SLC35F4: variants seen among roughly 807,000 people sequenced by gnomAD.
SLC35F4 encodes the protein solute carrier family 35 member F4, also known as chromosome 14 open reading frame 36.
Under a neutral mutation model 44.2 loss-of-function variants are expected in SLC35F4, and 24 were observed. That is an observed-to-expected ratio of 0.54 (90% CI 0.39 to 0.76). The LOEUF is 0.76. Among genes scored for constraint, SLC35F4 ranks in the 30% least tolerant of loss-of-function variants. The pLI is 0.00. For missense variants in SLC35F4, 562 were observed against 586.1 expected, an observed-to-expected ratio of 0.96 and a Z score of 0.42; for synonymous variants, 238 against 223.6, an observed-to-expected ratio of 1.06 and a Z score of -0.57.
At chr14:57,809,699 T>C (rs1881745584) in intron 1 of SLC35F4, among the ~76,000 whole-genome samples, 1 of 152,224 alleles carries the variant, frequency 6.6e-6, no homozygotes, top group Non-Finnish European at 1.5e-5. Flanking sequence ...CATCTGTGAT[T>C]CCCTTAAAAT....
intron 1 of SLC35F4, among the ~76,000 whole-genome samples, chr14:57,715,058 G>A (rs1313893585): frequency 6.6e-6 from 1 of 152,080 alleles, no homozygotes; most frequent in Non-Finnish European, 1.5e-5. Context: ...TTATTTTTGA[G>A]AGGAATAGGA....
At chr14:57,807,365 T>C (rs368377097) in intron 1 of SLC35F4, among the ~76,000 whole-genome samples, 3 of 151,952 alleles carry the variant, frequency 2.0e-5, no homozygotes, top group Admixed American at 2.0e-4. Context: ...GCTTCCCCTG[T>C]TAGCAACCCA....
intron 2 of SLC35F4, 105 bp from the exon 3 acceptor site, chr14:57,589,618 G>A: frequency 8.5e-7 from 1 of 1,173,518 alleles, no homozygotes; most frequent in Non-Finnish European, 1.2e-6. Flanking sequence ...GAGGCAGACA[G>A]TAGAATTACC....
chr14:57,948,377 T>C (rs992558370), intron 1 of SLC35F4, among the ~76,000 whole-genome samples: 2 of 152,146 alleles, frequency 1.3e-5, no homozygotes, highest in African/African-American at 4.8e-5. Context: ...TCAGCTGTAA[T>C]ATCTCCTGTT....
intron 1 of SLC35F4, among the ~76,000 whole-genome samples, chr14:57,650,697 G>A (rs373058257): frequency 1.3e-5 from 2 of 152,056 alleles, no homozygotes; most frequent in African/African-American, 4.8e-5. Context: ...TCCTTTCAAC[G>A]GCCTTTGCTG....
chr14:57,882,692 T>C (rs1888561196), intron 1 of SLC35F4, among the ~76,000 whole-genome samples: 1 of 152,172 alleles, frequency 6.6e-6, no homozygotes, highest in Non-Finnish European at 1.5e-5. Flanking sequence ...AGTGATGAAA[T>C]TTACACCCTC....
chr14:57,839,485 A>C (rs1428015020), intron 1 of SLC35F4, among the ~76,000 whole-genome samples: 2 of 152,206 alleles, frequency 1.3e-5, no homozygotes, highest in Admixed American at 6.5e-5. Flanking sequence ...ACAGGAACAC[A>C]AAACCAAACA....
At chr14:57,975,188 A>G (rs7140528), downstream of SLC35F4, among the ~76,000 whole-genome samples, 56,751 of 152,004 alleles carry the variant, frequency 0.37, 11,096 homozygotes, top group African/African-American at 0.5. Flanking sequence ...TTTTCTTGCA[A>G]TTCCCAGAGT....
rs1167160682 is a variant in SLC35F4, at chr14:57,656,374, TATACAC to T, written c.104-62256_104-62251del. On this transcript the variant is annotated intron_variant, in intron 1 of 7. Transcript: ENST00000556826. ...TGTCCTTAGAGTATATATATATATA[TATACAC>T]ACACACACACACACACACACACACA... 8.0e-3 allele frequency among the ~76,000 whole-genome samples: 1,001 copies of T among 125,754 alleles called. 3 individuals carry two copies. The highest frequency in any genetic ancestry group is 0.018 in the South Asian group (71 of 3,890). 82.5% of individuals were successfully genotyped at this position (125,754 alleles called of 152,430 possible).
At chr14:57,713,228 T>G (rs1490863144) in intron 1 of SLC35F4, among the ~76,000 whole-genome samples, 1 of 152,178 alleles carries the variant, frequency 6.6e-6, no homozygotes, top group Non-Finnish European at 1.5e-5. Context: ...CTTTCAGTTA[T>G]TTTTGCAGTT....
chr14:57,782,736 A>C (rs2140753535), intron 1 of SLC35F4, among the ~76,000 whole-genome samples: 1 of 152,300 alleles, frequency 6.6e-6, no homozygotes, highest in East Asian at 1.9e-4. Context: ...ACAGTAAAAA[A>C]CTGATCTCTC....
At chr14:57,735,685 C>T (rs574312857) in intron 1 of SLC35F4, among the ~76,000 whole-genome samples, 1 of 151,592 alleles carries the variant, frequency 6.6e-6, no homozygotes, top group South Asian at 2.1e-4. Context: ...CATTCTATTG[C>T]TTAAAACAAG....
chr14:57,571,793 T>C, intron 5 of SLC35F4, 101 bp downstream of exon 5: 1 of 1,422,568 alleles, frequency 7.0e-7, no homozygotes, highest in Non-Finnish European at 9.3e-7. Context: ...TCAACACATC[T>C]ATTTTCTTTC....
At chr14:57,823,999 T>G (rs370939907) in intron 1 of SLC35F4, among the ~76,000 whole-genome samples, 13 of 152,292 alleles carry the variant, frequency 8.5e-5, no homozygotes, top group South Asian at 2.1e-4. Context: ...TAATTTTATA[T>G]CATATTCCCC....
At chr14:57,973,015 G>A (rs1359999833), downstream of SLC35F4, among the ~76,000 whole-genome samples, 1 of 152,142 alleles carries the variant, frequency 6.6e-6, no homozygotes, top group Non-Finnish European at 1.5e-5. Flanking sequence ...TCTGCAATAG[G>A]TACTAATATT....
chr14:57,618,953 A>T (rs2072019267), intron 1 of SLC35F4, among the ~76,000 whole-genome samples: 1 of 152,170 alleles, frequency 6.6e-6, no homozygotes, highest in African/African-American at 2.4e-5. Flanking sequence ...AGCCCACCGC[A>T]GCTCAGCAAG....
chr14:57,595,951 C>A (rs2139941873), intron 1 of SLC35F4: 1 of 152,260 alleles, frequency 6.6e-6, no homozygotes. Flanking sequence ...TTAATGAGTA[C>A]AAACATATAG....
intron 3 of SLC35F4, among the ~76,000 whole-genome samples, chr14:57,588,303 A>T (rs779631008): frequency 2.0e-5 from 3 of 152,196 alleles, no homozygotes; most frequent in Non-Finnish European, 4.4e-5. Flanking sequence ...CTGCTGAGGA[A>T]TAGTAAGTCC....
At chr14:57,607,786 G>A (rs1318795017) in intron 1 of SLC35F4, among the ~76,000 whole-genome samples, 1 of 152,218 alleles carries the variant, frequency 6.6e-6, no homozygotes, top group Admixed American at 6.5e-5. Flanking sequence ...ATGTCTAGGG[G>A]ACAGATTAAA....
Sources: gnomAD v4.1 joint callset for allele counts (sites outside exome capture counted in the v4.1 genomes callset) on GRCh38, gnomAD v4.1.1 for gene constraint, MANE v1.5 for transcripts, NCBI Gene and HGNC (gene_info 2026-07-23, HGNC 2026-07-21) for gene names.